The following ZNF385B variants were observed in gnomAD, a reference collection of about 807,000 sequenced individuals.
ZNF385B encodes zinc finger protein 385B.
In ZNF385B, 23 loss-of-function variants were observed where a neutral mutation model predicts 39.2. That is an observed-to-expected ratio of 0.59 (90% CI 0.42 to 0.83). The LOEUF is 0.83. ZNF385B is among the 40% of genes least tolerant of loss of function. ZNF385B has a pLI of 0.00. For missense variants in ZNF385B, 552 were observed against 598.9 expected, an observed-to-expected ratio of 0.92 and a Z score of 0.82; for synonymous variants, 205 against 222.6, an observed-to-expected ratio of 0.92 and a Z score of 0.70.
At chr2:179,720,722 C>G (rs1411165695) in intron 3 of ZNF385B, among the ~76,000 whole-genome samples, 1 of 151,986 alleles carries the variant, frequency 6.6e-6, no homozygotes, top group Non-Finnish European at 1.5e-5. Flanking sequence ...GTTATATGCT[C>G]TTTATAAGAA....
intron 1 of ZNF385B, among the ~76,000 whole-genome samples, chr2:179,847,022 G>A (rs1482358838): frequency 6.6e-6 from 1 of 152,246 alleles, no homozygotes; most frequent in African/African-American, 2.4e-5. Flanking sequence ...AAATGCAGGT[G>A]AAAGCATTCT....
chr2:179,461,841 C>T (rs1007722431), intron 6 of ZNF385B, among the ~76,000 whole-genome samples: 1 of 152,148 alleles, frequency 6.6e-6, no homozygotes, highest in Non-Finnish European at 1.5e-5. Flanking sequence ...TTCTATTCCA[C>T]ACTCCCCAGG....
intron 3 of ZNF385B, among the ~76,000 whole-genome samples, chr2:179,764,660 A>C (rs1225484833): frequency 6.6e-6 from 1 of 152,158 alleles, no homozygotes; most frequent in East Asian, 1.9e-4. Context: ...CATGTGACTT[A>C]TGGCAGACAA....
At chr2:179,656,019 T>C (rs1693721301) in intron 3 of ZNF385B, among the ~76,000 whole-genome samples, 1 of 152,210 alleles carries the variant, frequency 6.6e-6, no homozygotes, top group Non-Finnish European at 1.5e-5. Flanking sequence ...TTTTTATTTA[T>C]GTTAATAGGT....
chr2:179,521,396 C>T (rs970302416), intron 4 of ZNF385B, among the ~76,000 whole-genome samples: 3 of 114,850 alleles, frequency 2.6e-5, no homozygotes, highest in African/African-American at 6.7e-5. Flanking sequence ...GACTGGGTTT[C>T]GTCATATTGG....
At chr2:179,809,351 A>G (rs1337909718) in intron 1 of ZNF385B, among the ~76,000 whole-genome samples, 4 of 152,162 alleles carry the variant, frequency 2.6e-5, no homozygotes, top group African/African-American at 9.6e-5. Flanking sequence ...TTGCCATTGA[A>G]TTATGCTCTG....
chr2:179,650,139 T>G (rs537138955), intron 3 of ZNF385B, among the ~76,000 whole-genome samples: 30 of 152,356 alleles, frequency 2.0e-4, no homozygotes, highest in African/African-American at 5.8e-4. Flanking sequence ...TTCAACATTT[T>G]TGAAGCACCT....
intron 3 of ZNF385B, among the ~76,000 whole-genome samples, chr2:179,602,683 A>G (rs1307716799): frequency 3.9e-5 from 6 of 152,224 alleles, no homozygotes; most frequent in Non-Finnish European, 8.8e-5. Flanking sequence ...AGTTTTCAAG[A>G]GAAAACATCA....
At chr2:179,842,944 AGGTGCT>A (rs1247091548) in intron 1 of ZNF385B, among the ~76,000 whole-genome samples, 1 of 152,182 alleles carries the variant, frequency 6.6e-6, no homozygotes, top group Non-Finnish European at 1.5e-5. Flanking sequence ...AGCCTGCCTC[AGGTGCT>A]GTAGGATTCT....
chr2:179,800,410 C>T (rs867306973), intron 1 of ZNF385B, among the ~76,000 whole-genome samples: 1 of 151,980 alleles, frequency 6.6e-6, no homozygotes, highest in African/African-American at 2.4e-5. Flanking sequence ...TGCCTATGAG[C>T]TCTGAACATG....
chr2:179,837,971 T>A (rs1441314724), intron 1 of ZNF385B, among the ~76,000 whole-genome samples: 1 of 152,228 alleles, frequency 6.6e-6, no homozygotes, highest in African/African-American at 2.4e-5. Context: ...CTTTTAACTT[T>A]AATACTACTT....
At position 179,606,042 on chromosome 2, in the gene ZNF385B, A is replaced by G. The variant is rs112986940; in HGVS notation, c.299-61073T>C. Among the ~76,000 whole-genome samples, 72 of 152,288 alleles carry G rather than the reference A, an allele frequency of 4.7e-4. 1 individual carries two copies. Among genetic ancestry groups the G allele is most frequent in the Non-Finnish European group, 8.1e-4 (55 of 68,008 alleles). ...TATCTCATAAATCTGAGTACAAATT[A>G]TTATATTTTTGTAATAGCATAGGAA... On this transcript the variant is annotated intron_variant, in intron 3 of 9. Coordinates refer to ENST00000410066, the MANE Select transcript of ZNF385B (RefSeq NM_152520.6).
chr2:179,518,696 G>A, intron 4 of ZNF385B, 58 bp from the exon 5 acceptor site: 1 of 1,078,554 alleles, frequency 9.3e-7, no homozygotes, highest in Non-Finnish European at 1.3e-6. Context: ...ACAACAGTGT[G>A]AGCAAATAAC....
intron 6 of ZNF385B, among the ~76,000 whole-genome samples, chr2:179,481,570 T>G (rs146766237): frequency 2.6e-4 from 39 of 152,288 alleles, no homozygotes; most frequent in African/African-American, 8.7e-4. Context: ...ATAATATAAC[T>G]TAAGTGGAAC....
chr2:179,455,813 AC>A (rs2050634158), intron 6 of ZNF385B, among the ~76,000 whole-genome samples: 1 of 149,516 alleles, frequency 6.7e-6, no homozygotes, highest in South Asian at 2.1e-4. Flanking sequence ...AATCTCTTGA[AC>A]CCAGGAGGCA....
At position 179,549,295 on chromosome 2, in the gene ZNF385B, G is replaced by A. The variant is rs1345490723; in HGVS notation, c.299-4326C>T. On this transcript the variant is annotated intron_variant, in intron 3 of 9. Transcript: ENST00000410066. ...TGAATATTCATGTACAAGTTCTTAT[G>A]TGGATATATGTTTTCAGTTCTTTCA... 1.3e-5 allele frequency among the ~76,000 whole-genome samples: 2 copies of A among 149,504 alleles called. 1 individual carries two copies. The highest frequency in any genetic ancestry group is 5.0e-5 in the African/African-American group (2 of 39,716).
At chr2:179,547,319 T>A (rs766143242) in intron 3 of ZNF385B, among the ~76,000 whole-genome samples, 3 of 149,544 alleles carry the variant, frequency 2.0e-5, no homozygotes, top group Admixed American at 6.6e-5. Flanking sequence ...ATTTCCCCAA[T>A]TTTTTCACAT....
chr2:179,741,938 G>A (rs141394208), intron 3 of ZNF385B, among the ~76,000 whole-genome samples: 198 of 151,944 alleles, frequency 1.3e-3, no homozygotes, highest in African/African-American at 4.4e-3. Context: ...AGGGGAGAAG[G>A]CATTGAAAGA....
At chr2:179,492,308 T>C (rs1343521722) in intron 5 of ZNF385B, among the ~76,000 whole-genome samples, 1 of 152,158 alleles carries the variant, frequency 6.6e-6, no homozygotes, top group African/African-American at 2.4e-5. Flanking sequence ...CAATTTTTGT[T>C]ACTCAATGAT....
Sources: gnomAD v4.1 joint callset for allele counts (sites outside exome capture counted in the v4.1 genomes callset) on GRCh38, gnomAD v4.1.1 for gene constraint, MANE v1.5 for transcripts, NCBI Gene and HGNC (gene_info 2026-07-23, HGNC 2026-07-21) for gene names.